Variants in CLYBL observed in about 807,000 individuals in gnomAD.
CLYBL encodes the protein citramalyl-CoA lyase, mitochondrial.
In CLYBL, 31 loss-of-function variants were observed where a neutral mutation model predicts 38.9. The observed-to-expected ratio is 0.80, with a 90% CI of 0.60 to 1.08. The LOEUF is 1.08. Among genes scored for constraint, CLYBL ranks in the 50% least tolerant of loss-of-function variants. The pLI, the probability that CLYBL is intolerant of heterozygous loss-of-function variation, is 0.00. For synonymous variants in CLYBL, 171 were observed against 158.6 expected (o/e 1.08, Z -0.59); for missense variants, 434 against 411.6 (o/e 1.05, Z -0.47).
At chr13:99,886,118 TCA>T (rs1289312183) in intron 7 of CLYBL, among the ~76,000 whole-genome samples, 1 of 152,198 alleles carries the variant, frequency 6.6e-6, no homozygotes, top group African/African-American at 2.4e-5. Flanking sequence ...GCGTTAATTC[TCA>T]CAGAGAACTC....
chr13:99,769,480 T>G (rs1333105809), intron 1 of CLYBL, among the ~76,000 whole-genome samples: 3 of 152,222 alleles, frequency 2.0e-5, no homozygotes, highest in Non-Finnish European at 4.4e-5. Context: ...GCCCCAAACA[T>G]TTCTTGGTAT....
intron 6 of CLYBL, among the ~76,000 whole-genome samples, 183 bp downstream of exon 6, chr13:99,866,590 C>T (rs983493879): frequency 1.1e-4 from 17 of 151,704 alleles, no homozygotes; most frequent in Non-Finnish European, 2.9e-5. Context: ...TTCCTTGGCC[C>T]TGCAAGTCAA....
rs571751134 is a variant in CLYBL, at chr13:99,868,846, A to G, written c.803-2092A>G. Among the ~76,000 whole-genome samples the G allele has an allele frequency of 4.7e-4, 71 of 152,318 alleles. No individual in the cohort carries two copies. In the South Asian group the frequency reaches 0.014, roughly 31 times the overall value. ...AGAAAGATTATAAATATGAAGCACT[A>G]TAGGTTTTCTTCTTTTTTGCAGTCT... On this transcript the variant is annotated intron_variant, in intron 6 of 8. Transcript: ENST00000339105.
chr13:99,664,331 T>C (rs2047449904), intron 1 of CLYBL, among the ~76,000 whole-genome samples: 1 of 152,256 alleles, frequency 6.6e-6, no homozygotes, highest in Non-Finnish European at 1.5e-5. Flanking sequence ...ATAATTTTGT[T>C]TTCAAATCTT....
chr13:99,700,837 A>G (rs537208690), intron 1 of CLYBL, among the ~76,000 whole-genome samples: 16 of 152,364 alleles, frequency 1.1e-4, no homozygotes, highest in African/African-American at 3.6e-4. Flanking sequence ...GGACACTGGC[A>G]ATATATGCTG....
Position 99,659,755 on chromosome 13 carries a change from T to C in CLYBL, c.62+52998T>C, listed in dbSNP as rs144511671. ...GGTAGATGATATTTTAAAGGTATTATATAGTAATAGTCACCAGAAGCCAAT... is the reference window on the plus strand; with the variant it reads ...GGTAGATGATATTTTAAAGGTATTACATAGTAATAGTCACCAGAAGCCAAT... On this transcript the variant is annotated intron_variant, in intron 1 of 8. Coordinates refer to ENST00000339105, the MANE Select transcript of CLYBL (RefSeq NM_206808.5). 2.7e-4 allele frequency among the ~76,000 whole-genome samples: 41 copies of C among 152,304 alleles called. No homozygotes were observed. In the East Asian group the frequency reaches 6.5e-3, roughly 24 times the overall value.
chr13:99,874,514 AT>A (rs1341985655), intron 7 of CLYBL, among the ~76,000 whole-genome samples: 2 of 152,066 alleles, frequency 1.3e-5, no homozygotes, highest in African/African-American at 4.8e-5. Flanking sequence ...TAATATGCTT[AT>A]TAAAGTAATA....
intron 2 of CLYBL, among the ~76,000 whole-genome samples, chr13:99,837,370 G>A (rs1345363602): frequency 6.6e-6 from 1 of 152,090 alleles, no homozygotes; most frequent in African/African-American, 2.4e-5. Context: ...GGATCGTTTG[G>A]GCCTGGAAAG....
At chr13:99,902,671 ATT>A (rs1424786028) in intron 8 of CLYBL, among the ~76,000 whole-genome samples, 2 of 152,040 alleles carry the variant, frequency 1.3e-5, no homozygotes, top group Non-Finnish European at 2.9e-5. Context: ...TTTTACTTTT[ATT>A]TTCTTTCAAC....
chr13:99,719,330 A>T (rs1044641491), intron 1 of CLYBL, among the ~76,000 whole-genome samples: 6 of 150,632 alleles, frequency 4.0e-5, no homozygotes, highest in Admixed American at 6.6e-5. Context: ...TTTATTTATT[A>T]ATTATGAGAT....
chr13:99,771,650 G>A (rs1473533729), intron 1 of CLYBL, among the ~76,000 whole-genome samples: 2 of 152,200 alleles, frequency 1.3e-5, no homozygotes, highest in Non-Finnish European at 2.9e-5. Context: ...GTGGTGGTAA[G>A]CCAAAGGAGC....
intron 2 of CLYBL, among the ~76,000 whole-genome samples, chr13:99,798,151 T>TGAA (rs2050060066): frequency 6.6e-6 from 1 of 152,186 alleles, no homozygotes; most frequent in Admixed American, 6.5e-5. Context: ...GTCACCTATC[T>TGAA]GAAGAAGGAG....
chr13:99,753,208 G>A (rs1221536048), intron 1 of CLYBL, among the ~76,000 whole-genome samples: 8 of 152,138 alleles, frequency 5.3e-5, no homozygotes, highest in African/African-American at 1.9e-4. Context: ...CAGAGGAGAC[G>A]GATGGGCCAG....
intron 1 of CLYBL, among the ~76,000 whole-genome samples, chr13:99,671,147 T>C (rs897680201): frequency 3.7e-4 from 57 of 152,352 alleles, no homozygotes; most frequent in African/African-American, 1.3e-3. Flanking sequence ...TGTAGCTGGC[T>C]CCTTGTCCTC....
At chr13:99,895,093 C>T (rs866652505), downstream of CLYBL, 19 of 152,168 alleles carry the variant, frequency 1.2e-4, no homozygotes, top group African/African-American at 4.6e-4. Context: ...GCAGATAGAA[C>T]AAACCATGTC....
chr13:99,637,838 A>G (rs2047041156), intron 1 of CLYBL, among the ~76,000 whole-genome samples: 1 of 152,218 alleles, frequency 6.6e-6, no homozygotes, highest in African/African-American at 2.4e-5. Context: ...ATCCGTATAC[A>G]TACATCCATT....
chr13:99,631,701 C>A (rs371344824), intron 1 of CLYBL, among the ~76,000 whole-genome samples: 50 of 152,010 alleles, frequency 3.3e-4, no homozygotes, highest in Middle Eastern at 6.8e-3. Context: ...CGGGTTCAAG[C>A]GATTCTTCTG....
chr13:99,736,341 C>T (rs1335621058), intron 1 of CLYBL, among the ~76,000 whole-genome samples: 1 of 151,582 alleles, frequency 6.6e-6, no homozygotes, highest in Non-Finnish European at 1.5e-5. Flanking sequence ...CCCGGCCATC[C>T]TATATATTTC....
intron 1 of CLYBL, among the ~76,000 whole-genome samples, chr13:99,634,865 G>A (rs931014706): frequency 5.3e-5 from 8 of 152,162 alleles, no homozygotes; most frequent in Non-Finnish European, 1.2e-4. Context: ...CTGTGAAGGA[G>A]GTATCAGATC....
Sources: gnomAD v4.1 joint callset for allele counts (sites outside exome capture counted in the v4.1 genomes callset) on GRCh38, gnomAD v4.1.1 for gene constraint, MANE v1.5 for transcripts, NCBI Gene and HGNC (gene_info 2026-07-23, HGNC 2026-07-21) for gene names.